PPP1R9A: variants seen among roughly 807,000 people sequenced by gnomAD.
The protein encoded by PPP1R9A is protein phosphatase 1 regulatory subunit 9A, also known as neurabin-1.
In PPP1R9A, 59 loss-of-function variants were observed where a neutral mutation model predicts 141.9. That is an observed-to-expected ratio of 0.42 (90% CI 0.34 to 0.52). PPP1R9A has a LOEUF of 0.52. Ranked by LOEUF, PPP1R9A falls within the 20% of genes least tolerant of loss-of-function variation. The pLI is 0.10. For missense variants in PPP1R9A, 1,444 were observed against 1,611.9 expected (o/e 0.90, Z 1.78); for synonymous variants, 500 against 569.7 (o/e 0.88, Z 1.74).
chr7:95,259,632 T>G (rs2153027658), intron 12 of PPP1R9A, among the ~76,000 whole-genome samples: 1 of 152,268 alleles, frequency 6.6e-6, no homozygotes, highest in East Asian at 1.9e-4. Flanking sequence ...CATATCTGAT[T>G]TATTTCCTGA....
chr7:95,166,670 A>G (rs967813495), intron 5 of PPP1R9A, among the ~76,000 whole-genome samples: 1 of 152,220 alleles, frequency 6.6e-6, no homozygotes, highest in African/African-American at 2.4e-5. Context: ...CTATGAGGCA[A>G]GCATTACCCT....
intron 2 of PPP1R9A, among the ~76,000 whole-genome samples, chr7:94,984,467 T>A (rs995956195): frequency 1.2e-4 from 18 of 152,044 alleles, no homozygotes; most frequent in South Asian, 4.2e-4. Context: ...GTCTCGGAGT[T>A]TTTTTGGTTG....
intron 12 of PPP1R9A, among the ~76,000 whole-genome samples, chr7:95,253,924 C>A (rs1406685230): frequency 6.6e-6 from 1 of 151,858 alleles, no homozygotes; most frequent in African/African-American, 2.4e-5. Flanking sequence ...CTTTTCATTT[C>A]TATTCATTTC....
intron 2 of PPP1R9A, among the ~76,000 whole-genome samples, chr7:95,103,456 C>T (rs1819084851): frequency 6.7e-6 from 1 of 149,146 alleles, no homozygotes; most frequent in Non-Finnish European, 1.5e-5. Flanking sequence ...CAAGCTCCGC[C>T]TCCTGGGTTC....
intron 8 of PPP1R9A, among the ~76,000 whole-genome samples, chr7:95,227,362 G>A (rs563568708): frequency 2.0e-5 from 3 of 152,262 alleles, no homozygotes; most frequent in South Asian, 2.1e-4. Context: ...TTCTTTTATG[G>A]GAGGTGAAGA....
intron 6 of PPP1R9A, among the ~76,000 whole-genome samples, chr7:95,200,462 T>A (rs1395108591): frequency 6.6e-6 from 1 of 151,898 alleles, no homozygotes; most frequent in Non-Finnish European, 1.5e-5. Context: ...ATTTTTTTTT[T>A]ATAGATGAGG....
At position 95,192,724 on chromosome 7, in the gene PPP1R9A, C is replaced by T. The variant is rs149225126; in HGVS notation, c.1755-5625C>T. Among the ~76,000 whole-genome samples the T allele has an allele frequency of 4.2e-3, 634 of 152,178 alleles. 3 individuals are homozygous for T. The highest frequency in any genetic ancestry group is 0.014 in the African/African-American group (596 of 41,580). On this transcript the variant is annotated intron_variant, in intron 5 of 19. Coordinates refer to ENST00000433360, the MANE Select transcript of PPP1R9A (RefSeq NM_001166160.2). ...TTATAGTTTGGTGGATTTGTCCCAT[C>T]AAAGTTGGTTTTCCCTTTTACTTAC...
chr7:95,076,983 A>AT (rs947920489), intron 2 of PPP1R9A, among the ~76,000 whole-genome samples: 41 of 151,228 alleles, frequency 2.7e-4, no homozygotes, highest in Admixed American at 2.0e-4. Flanking sequence ...TATACCTTTT[A>AT]TTTTTTTTCT....
At chr7:94,930,561 A>G (rs1794032881) in intron 2 of PPP1R9A, among the ~76,000 whole-genome samples, 1 of 152,008 alleles carries the variant, frequency 6.6e-6, no homozygotes, top group Non-Finnish European at 1.5e-5. Context: ...CCAGTCTCCA[A>G]CTCCTGACCT....
chr7:95,274,215 TC>T, intron 16 of PPP1R9A, 47 bp downstream of exon 16: 1 of 1,439,450 alleles, frequency 6.9e-7, no homozygotes, highest in South Asian at 1.3e-5. Flanking sequence ...ACCTAAACTT[TC>T]TGGCCCCCTC....
chr7:94,967,459 A>G (rs1456341900), intron 2 of PPP1R9A, among the ~76,000 whole-genome samples: 2 of 152,136 alleles, frequency 1.3e-5, no homozygotes, highest in East Asian at 3.9e-4. Flanking sequence ...ATTTAGTGCT[A>G]TAAATTTTTC....
intron 2 of PPP1R9A, among the ~76,000 whole-genome samples, chr7:95,020,394 T>A (rs182289819): frequency 3.1e-4 from 47 of 152,298 alleles, no homozygotes; most frequent in Non-Finnish European, 6.2e-4. Context: ...ATTTTATTAT[T>A]TTTTAGAATA....
intron 2 of PPP1R9A, among the ~76,000 whole-genome samples, chr7:94,931,246 T>C (rs997248366): frequency 7.2e-5 from 11 of 152,218 alleles, no homozygotes; most frequent in Non-Finnish European, 1.3e-4. Context: ...TGTTCTTTTC[T>C]GACGGCAGGT....
rs34284096 is a variant in PPP1R9A at position 94,932,763 on chromosome 7, A to AT, written c.1395+21276dup. 7.0e-3 allele frequency among the ~76,000 whole-genome samples: 836 copies of AT among 119,736 alleles called. 7 individuals are homozygous for AT. The highest frequency in any genetic ancestry group is 0.018 in the Middle Eastern group (4 of 220). The allele number at this position is 119,736 out of a possible 152,430, so 78.6% of individuals were successfully genotyped here. ...CTGGGCATTCCAATCTACCTGAAGC[A>AT]TTTTTTTTTTTTTTTTTTTTTGGTC... On this transcript the variant is annotated intron_variant, in intron 2 of 19. Coordinates refer to ENST00000433360, the MANE Select transcript of PPP1R9A (RefSeq NM_001166160.2).
At chr7:95,269,812 A>C (rs1282975967) in intron 14 of PPP1R9A, among the ~76,000 whole-genome samples, 1 of 152,230 alleles carries the variant, frequency 6.6e-6, no homozygotes, top group Non-Finnish European at 1.5e-5. Context: ...CATAAAGAAA[A>C]AAACACTACA....
At chr7:95,099,497 A>G (rs546138702) in intron 2 of PPP1R9A, among the ~76,000 whole-genome samples, 2 of 152,322 alleles carry the variant, frequency 1.3e-5, no homozygotes, top group African/African-American at 4.8e-5. Flanking sequence ...GAAAACATGA[A>G]CATCAGTGGA....
chr7:95,262,178 C>G (rs958144133), intron 12 of PPP1R9A, among the ~76,000 whole-genome samples: 5 of 152,156 alleles, frequency 3.3e-5, no homozygotes, highest in Non-Finnish European at 7.4e-5. Context: ...GTTGCCATGT[C>G]AAAGACACTA....
intron 2 of PPP1R9A, among the ~76,000 whole-genome samples, chr7:94,966,373 G>A (rs1354144676): frequency 2.0e-5 from 3 of 152,162 alleles, no homozygotes; most frequent in Admixed American, 2.0e-4. Flanking sequence ...AGTGGTGAGA[G>A]AGGGCATCCT....
intron 13 of PPP1R9A, among the ~76,000 whole-genome samples, chr7:95,269,004 G>A (rs58214455): frequency 0.081 from 12,337 of 152,100 alleles, 1,235 homozygotes; most frequent in African/African-American, 0.23. Context: ...ACAAGTAATT[G>A]TTTCTGTAGG....
Sources: gnomAD v4.1 joint callset for allele counts (sites outside exome capture counted in the v4.1 genomes callset) on GRCh38, gnomAD v4.1.1 for gene constraint, MANE v1.5 for transcripts, NCBI Gene and HGNC (gene_info 2026-07-23, HGNC 2026-07-21) for gene names.